The following PLD5 variants were observed in gnomAD, a reference collection of about 807,000 sequenced individuals.
The protein encoded by PLD5 is inactive phospholipase D5.
Under a neutral mutation model 61.1 loss-of-function variants are expected in PLD5, and 36 were observed. That is an observed-to-expected ratio of 0.59 (90% CI 0.45 to 0.78). The LOEUF is 0.78. PLD5 is among the 30% of genes least tolerant of loss of function. The probability of loss-of-function intolerance (pLI) is 0.00; values close to 1 mark genes in which losing one functional copy is unlikely to be tolerated. For synonymous variants in PLD5, 243 were observed against 242.8 expected (o/e 1.00, Z -0.01); for missense variants, 515 against 644.4 (o/e 0.80, Z 2.17).
rs141070963 is a variant in PLD5, at chr1:242,505,544, T to C, written c.189+18544A>G. Among the ~76,000 whole-genome samples the C allele has an allele frequency of 4.1e-3, 623 of 152,048 alleles. 5 individuals carry two copies. The highest frequency in any genetic ancestry group is 0.014 in the African/African-American group (594 of 41,542). ...TCTCAGGGAGGCTGTGATGGGCACA[T>C]TTTCTTCATGTGATTATGATTTTAT... On this transcript the variant is annotated intron_variant, in intron 1 of 9. Transcript: ENST00000536534.
intron 1 of PLD5, among the ~76,000 whole-genome samples, chr1:242,418,069 A>T (rs1170107343): frequency 1.3e-5 from 2 of 152,320 alleles, no homozygotes; most frequent in Non-Finnish European, 1.5e-5. Flanking sequence ...GAGAAACATA[A>T]TGTAGTTTAA....
In PLD5 at chr1:242,229,807, C is replaced by T. The variant is rs186246630; in HGVS notation, c.608-9692G>A. On this transcript the variant is annotated intron_variant, in intron 4 of 9. Transcript: ENST00000536534. ...TGGGATTCTTTTTTTCCTAGAATAT[C>T]ATTGCCTCTACAAACTGAAGCAATT... Among the ~76,000 whole-genome samples, 444 of 151,928 alleles carry T rather than the reference C, an allele frequency of 2.9e-3. 6 individuals are homozygous for T. The highest frequency in any genetic ancestry group is 0.01 in the African/African-American group (426 of 41,440).
chr1:242,136,711 G>A (rs553224979), intron 5 of PLD5, among the ~76,000 whole-genome samples: 1 of 152,226 alleles, frequency 6.6e-6, no homozygotes, highest in South Asian at 2.1e-4. Flanking sequence ...CAAACTTCAC[G>A]TGGGAATGCT....
intron 1 of PLD5, among the ~76,000 whole-genome samples, chr1:242,364,312 A>G (rs1661224156): frequency 6.6e-6 from 1 of 152,244 alleles, no homozygotes; most frequent in South Asian, 2.1e-4. Flanking sequence ...CTGAACTCAC[A>G]TTTATGGAGC....
chr1:242,308,261 C>T (rs959702419), intron 2 of PLD5, among the ~76,000 whole-genome samples: 2 of 152,002 alleles, frequency 1.3e-5, no homozygotes, highest in South Asian at 2.1e-4. Flanking sequence ...ATTCTCTAAT[C>T]TTGGAAGTTT....
chr1:242,390,007 A>AAAT (rs758163688), intron 1 of PLD5, among the ~76,000 whole-genome samples: 3 of 111,848 alleles, frequency 2.7e-5, no homozygotes, highest in Admixed American at 8.1e-5. Context: ...ATAATGATAC[A>AAAT]AATAATAATA....
chr1:242,443,693 G>T (rs991489157), intron 1 of PLD5, among the ~76,000 whole-genome samples: 1 of 152,138 alleles, frequency 6.6e-6, no homozygotes, highest in African/African-American at 2.4e-5. Context: ...AGAAAGTTTT[G>T]CTATTATTCT....
In PLD5 at chr1:242,524,478, G is replaced by T; in HGVS notation, c.-202C>A. 3.2e-6 allele frequency: 1 copy of T among 315,892 alleles called. No individual in the cohort carries two copies. The highest frequency in any genetic ancestry group is 5.6e-6 in the Non-Finnish European group (1 of 178,788). 19.6% of individuals were successfully genotyped at this position (315,892 alleles called of 1,614,324 possible). On this transcript the variant is annotated 5_prime_UTR_variant, in exon 1 of 10. Coordinates refer to ENST00000536534, the MANE Select transcript of PLD5 (RefSeq NM_001372062.1). ...GGAGCGCGGCCGGGCGGGAGGGGGC[G>T]ATCGCGGGAGGCGCGGGGCGGAAGG...
rs1659434083 is a variant in PLD5 at position 242,086,045 on chromosome 1, G to T, written c.*3809C>A. 6.6e-6 allele frequency: 1 copy of T among 152,112 alleles called. No individual in the cohort carries two copies. Among genetic ancestry groups the T allele is most frequent in the African/African-American group, 2.4e-5 (1 of 41,416 alleles). 9.4% of individuals were successfully genotyped at this position (152,112 alleles called of 1,614,324 possible). ...AGTCACTGAGTATAGCCACAGGCTG[G>T]TGGGAAATGAGCTTCTATCCATCCC... On this transcript the variant is annotated 3_prime_UTR_variant, in exon 10 of 10. Transcript: ENST00000536534.
chr1:242,487,767 C>T (rs1209349196), intron 1 of PLD5, among the ~76,000 whole-genome samples: 2 of 151,922 alleles, frequency 1.3e-5, no homozygotes, highest in African/African-American at 4.8e-5. Context: ...ATACAGATGG[C>T]ATAAAAGCAC....
intron 9 of PLD5, 76 bp downstream of exon 9, chr1:242,100,592 G>T: frequency 9.4e-7 from 1 of 1,065,722 alleles, no homozygotes; most frequent in Non-Finnish European, 1.4e-6. Context: ...CTCACCAGGG[G>T]ATACCGTGGA....
intron 5 of PLD5, among the ~76,000 whole-genome samples, chr1:242,190,138 CTTTTTTTTTTT>C (rs902616187): frequency 1.3e-5 from 1 of 74,382 alleles, no homozygotes; most frequent in Non-Finnish European, 2.3e-5. Flanking sequence ...GACAGGACTC[CTTTTTTTTTTT>C]TTTTTTTTTT....
At chr1:242,429,083 A>T (rs1266865401) in intron 1 of PLD5, among the ~76,000 whole-genome samples, 1 of 152,210 alleles carries the variant, frequency 6.6e-6, no homozygotes, top group African/African-American at 2.4e-5. Flanking sequence ...AGCGAGCTAC[A>T]GTTCAAAGTT....
chr1:242,207,932 T>TTATTTA (rs1669524595), intron 5 of PLD5, among the ~76,000 whole-genome samples: 3 of 30,802 alleles, frequency 9.7e-5, no homozygotes, highest in African/African-American at 1.8e-4. Context: ...TTATATATAT[T>TTATTTA]TATATATTTA....
At chr1:242,176,080 A>C (rs1667120014) in intron 5 of PLD5, among the ~76,000 whole-genome samples, 1 of 152,210 alleles carries the variant, frequency 6.6e-6, no homozygotes, top group African/African-American at 2.4e-5. Context: ...AATCAGAAAA[A>C]ACTGCTTTAA....
intron 4 of PLD5, among the ~76,000 whole-genome samples, chr1:242,263,899 C>T: frequency 6.6e-6 from 1 of 152,198 alleles, no homozygotes; most frequent in Non-Finnish European, 1.5e-5. Context: ...CTAATATCCC[C>T]AAGCTTTAAC....
intron 1 of PLD5, among the ~76,000 whole-genome samples, chr1:242,514,716 A>C (rs1669047155): frequency 6.6e-6 from 1 of 152,230 alleles, no homozygotes; most frequent in Non-Finnish European, 1.5e-5. Flanking sequence ...TGGGAAAGGC[A>C]AATAAAGCTC....
chr1:242,099,520 A>C (rs1331511225), intron 9 of PLD5, among the ~76,000 whole-genome samples: 1 of 152,210 alleles, frequency 6.6e-6, no homozygotes, highest in Non-Finnish European at 1.5e-5. Flanking sequence ...GGAGTTAGTG[A>C]CTACCCACAC....
intron 2 of PLD5, among the ~76,000 whole-genome samples, chr1:242,310,867 C>A (rs1454475385): frequency 6.6e-6 from 1 of 152,062 alleles, no homozygotes; most frequent in South Asian, 2.1e-4. Flanking sequence ...AGCAAGGTAG[C>A]AGAGTCTGGT....
Sources: gnomAD v4.1 joint callset for allele counts (sites outside exome capture counted in the v4.1 genomes callset) on GRCh38, gnomAD v4.1.1 for gene constraint, MANE v1.5 for transcripts, NCBI Gene and HGNC (gene_info 2026-07-23, HGNC 2026-07-21) for gene names.